Variants in MMS19 observed in about 807,000 individuals in gnomAD.
The protein encoded by MMS19 is MMS19 nucleotide excision repair protein homolog.
Under a neutral mutation model 129.8 loss-of-function variants are expected in MMS19, and 77 were observed. The observed-to-expected ratio is 0.59, with a 90% CI of 0.49 to 0.72. MMS19 has a LOEUF of 0.72. Ranked by LOEUF, MMS19 falls within the 30% of genes least tolerant of loss-of-function variation. The pLI is 0.00. For synonymous variants in MMS19, 491 were observed against 502.8 expected (o/e 0.98, Z 0.31); for missense variants, 1,168 against 1,266.3 (o/e 0.92, Z 1.18).
rs1157208472 is a variant in MMS19, at chr10:97,458,881, T to G, written c.2984A>C (p.Gln995Pro). 6.2e-7 allele frequency: 1 copy of G among 1,614,042 alleles called. No homozygotes were observed. Among genetic ancestry groups the G allele is most frequent in the East Asian group, 2.2e-5 (1 of 44,880 alleles). Residue 995 changes from glutamine to proline, a missense_variant, in exon 30 of 31, where the codon CAG (glutamine) becomes CCG (proline). This residue lies in a region of MMS19 where 831 missense variants were observed against 910.8 expected (regional missense o/e 0.91). Coordinates refer to ENST00000438925, the MANE Select transcript of MMS19 (RefSeq NM_022362.5). ...GGGTTTGGCTAAGGCCCGAATCACC[T>G]GTGGTTTGTACGGCAGCAGCTGTGG... Reference protein sequence around the residue: ...PTPVLLPYKPQVIRALAKPLD... With the variant: ...PTPVLLPYKPPVIRALAKPLD...
chr10:97,498,554 T>G (rs2040242661), upstream of MMS19: 9 of 759,326 alleles, frequency 1.2e-5, no homozygotes, highest in East Asian at 6.8e-5. Context: ...GGGCCTGAAA[T>G]GGGGCGGTGG....
At chr10:97,496,040 CAA>C (rs29001257) in intron 1 of MMS19, among the ~76,000 whole-genome samples, 6 of 152,206 alleles carry the variant, frequency 3.9e-5, no homozygotes, top group African/African-American at 1.4e-4. Context: ...CTTGTTCTCT[CAA>C]AGTGTTGGCA....
chr10:97,498,360 C>T lies in MMS19; in HGVS notation c.25G>A (p.Ala9Thr). The T allele has an allele frequency of 6.4e-7, 1 of 1,574,464 alleles. No homozygotes were observed. The highest frequency in any genetic ancestry group is 1.3e-5 in the African/African-American group (1 of 74,356). ...CATAGGGCACCCATAGGCGCCGCCGCCTCCACAGCCGCGGCAGCGGCCATA... is the reference window on the plus strand; with the variant it reads ...CATAGGGCACCCATAGGCGCCGCCGTCTCCACAGCCGCGGCAGCGGCCATA... MAAAAAVE[A>T]AAPMGALWGL... Residue 9 changes from alanine to threonine, a missense_variant, in exon 1 of 31, where the codon GCG (alanine) becomes ACG (threonine). Ala to Thr is a moderately conservative substitution (Grantham distance 58). Transcript: ENST00000438925.
chr10:97,474,731 G>C (rs866501521), intron 8 of MMS19, among the ~76,000 whole-genome samples: 23 of 152,156 alleles, frequency 1.5e-4, no homozygotes, highest in Admixed American at 8.5e-4. Flanking sequence ...AAATCTGCTT[G>C]AATGAGAGAA....
At chr10:97,487,346 T>A (rs1248608767) in intron 1 of MMS19, among the ~76,000 whole-genome samples, 2 of 136,814 alleles carry the variant, frequency 1.5e-5, no homozygotes, top group African/African-American at 2.9e-5. Context: ...TGAGACAGAA[T>A]CTCGCTCTTT....
intron 8 of MMS19, among the ~76,000 whole-genome samples, chr10:97,475,032 T>C (rs2035480811): frequency 6.6e-6 from 1 of 152,258 alleles, no homozygotes; most frequent in South Asian, 2.1e-4. Flanking sequence ...ATGAAAGTTG[T>C]AGCACTGCTC....
At chr10:97,483,960 C>T (rs2037346816) in intron 2 of MMS19, 143 bp downstream of exon 2, 1 of 592,786 alleles carries the variant, frequency 1.7e-6, no homozygotes, top group Middle Eastern at 2.6e-4. Context: ...AACATATAGG[C>T]TTAGACTGAG....
At position 97,461,633 on chromosome 10, in the gene MMS19, C is replaced by T. The variant is rs1564620027; in HGVS notation, c.2185-11G>A. On this transcript the variant is annotated splice_polypyrimidine_tract_variant and intron_variant, in intron 22 of 30. Coordinates refer to ENST00000438925, the MANE Select transcript of MMS19 (RefSeq NM_022362.5). ...CTGAGGGATTTCCACCTACAGAAAA[C>T]CTGGCCATGTAATGGACCCAGAGAA... The T allele has an allele frequency of 1.3e-6, 2 of 1,596,010 alleles. No homozygotes were observed. Among genetic ancestry groups the T allele is most frequent in the Non-Finnish European group, 1.7e-6 (2 of 1,171,286 alleles).
At chr10:97,469,273 T>A (rs2034185681) in intron 11 of MMS19, 169 bp from the exon 12 acceptor site, 1 of 463,462 alleles carries the variant, frequency 2.2e-6, no homozygotes, top group South Asian at 9.1e-5. Context: ...TCTTACCAAG[T>A]CCTTAGTCAC....
At chr10:97,468,918 C>T (rs370031745) in intron 12 of MMS19, 48 bp downstream of exon 12, 39 of 1,550,058 alleles carry the variant, frequency 2.5e-5, no homozygotes, top group Non-Finnish European at 3.0e-5. Context: ...CAAGGAATGT[C>T]GTTTCTATTG....
At chr10:97,485,194 T>C (rs2037601409) in intron 1 of MMS19, among the ~76,000 whole-genome samples, 1 of 151,898 alleles carries the variant, frequency 6.6e-6, no homozygotes, top group South Asian at 2.1e-4. Context: ...AATGGTGTGA[T>C]CTCGGCTTGC....
At chr10:97,471,333 A>G (rs2034647241) in intron 8 of MMS19, among the ~76,000 whole-genome samples, 1 of 152,026 alleles carries the variant, frequency 6.6e-6, no homozygotes, top group South Asian at 2.1e-4. Flanking sequence ...TTATCTAGAT[A>G]ATTCCTTGTT....
chr10:97,466,572 A>G lies in MMS19; in HGVS notation c.1437T>C (p.Tyr479=), dbSNP rs914709084. 4.3e-6 allele frequency: 7 copies of G among 1,613,274 alleles called. No homozygotes were observed. The South Asian group carries it at 7.7e-5, about 18-fold the overall frequency. The change falls in exon 16 of 31, where the codon TAT becomes TAC. Residue 479 remains tyrosine (Y), a synonymous_variant. Coordinates refer to ENST00000438925, the MANE Select transcript of MMS19 (RefSeq NM_022362.5). The part of the protein sequence containing the change: ...VLGAQPDLLS[Y]EDLELAVGHL... ...GACCCACTGCCAGCTCCAAGTCCTC[A>G]TAAGATAGGAGATCTGTAGTTAGAA... is the stretch of plus-strand genomic sequence containing the variant.
chr10:97,468,966 C>T lies in MMS19; in HGVS notation c.1063G>A (p.Asp355Asn). The change falls in exon 12 of 31, where the codon GAC (aspartate) becomes AAC (asparagine). Residue 355 changes from aspartate (D) to asparagine (N), a missense_variant and splice_region_variant. Asp to Asn is a conservative substitution (Grantham distance 23). Coordinates refer to ENST00000438925, the MANE Select transcript of MMS19 (RefSeq NM_022362.5). ...LDSFLSNILQDCRHHLCEPDM... is the reference protein window; with the variant it reads ...LDSFLSNILQNCRHHLCEPDM... ...TTCCTGGCTGCCACGGCCCCATTAC[C>T]CTGTAGAATGTTGCTAAGGAAGGAG... 1 of 1,587,150 alleles carries T rather than the reference C, an allele frequency of 6.3e-7. No homozygotes were observed. Among genetic ancestry groups the T allele is most frequent in the Non-Finnish European group, 8.6e-7 (1 of 1,166,362 alleles).
At chr10:97,485,995 A>G (rs907040431) in intron 1 of MMS19, among the ~76,000 whole-genome samples, 2 of 152,260 alleles carry the variant, frequency 1.3e-5, no homozygotes, top group African/African-American at 4.8e-5. Flanking sequence ...AAGGAAATGA[A>G]ATCAGTATCT....
upstream of MMS19, chr10:97,498,663 A>C: frequency 4.4e-6 from 2 of 456,722 alleles, no homozygotes; most frequent in East Asian, 4.3e-5. Context: ...CGGGGCGGGC[A>C]CCTGGCTGGG....
intron 25 of MMS19, 54 bp from the exon 26 acceptor site, chr10:97,460,286 A>G: frequency 1.3e-6 from 2 of 1,544,244 alleles, no homozygotes; most frequent in Non-Finnish European, 1.8e-6. Flanking sequence ...CTTAAGTGCC[A>G]AAGATAAGGA....
intron 2 of MMS19, among the ~76,000 whole-genome samples, chr10:97,483,661 GC>G (rs2037294615): frequency 1.3e-5 from 2 of 152,224 alleles, no homozygotes; most frequent in Admixed American, 1.3e-4. Context: ...GTTTCCCAAA[GC>G]CTTTCCTCCT....
intron 23 of MMS19, 157 bp downstream of exon 23, chr10:97,461,339 C>A (rs41290448): frequency 2.3e-6 from 2 of 879,566 alleles, no homozygotes; most frequent in African/African-American, 3.4e-5. Context: ...GTGGTCTTGA[C>A]GCTTTTCCCA....
Sources: gnomAD v4.1 joint callset for allele counts (sites outside exome capture counted in the v4.1 genomes callset) on GRCh38, gnomAD v4.1.1 for gene constraint, gnomAD v4.1.1 regional missense constraint, MANE v1.5 for transcripts, NCBI Gene and HGNC (gene_info 2026-07-23, HGNC 2026-07-21) for gene names.